The following CES5A variants were observed in gnomAD, a reference collection of about 807,000 sequenced individuals.
CES5A encodes the protein carboxylesterase 5A, also known as carboxylesterase 5.
A neutral mutation model predicts 62.9 loss-of-function variants in CES5A; 67 were observed. The observed-to-expected ratio is 1.07, with a 90% CI of 0.88 to 1.31. The LOEUF (loss-of-function observed/expected upper bound fraction) is 1.31. CES5A is among the 50% of genes most tolerant of loss of function. The probability of loss-of-function intolerance (pLI) is 0.00; values close to 1 mark genes in which losing one functional copy is unlikely to be tolerated. For synonymous variants in CES5A, 296 were observed against 280.8 expected (o/e 1.05, Z -0.54); for missense variants, 748 against 708.5 (o/e 1.06, Z -0.63).
chr16:55,865,578 C>A (rs1387275624), intron 5 of CES5A, among the ~76,000 whole-genome samples: 1 of 152,196 alleles, frequency 6.6e-6, no homozygotes, highest in Non-Finnish European at 1.5e-5. Flanking sequence ...AGGGAATATA[C>A]ATTTTATGGT....
chr16:55,879,941 A>G (rs1439824176), upstream of CES5A, among the ~76,000 whole-genome samples: 1 of 152,226 alleles, frequency 6.6e-6, no homozygotes, highest in African/African-American at 2.4e-5. Context: ...AGATTGTCTT[A>G]AAGATTCCAT....
intron 6 of CES5A, among the ~76,000 whole-genome samples, chr16:55,862,345 T>G (rs1448922795): frequency 6.6e-6 from 1 of 152,180 alleles, no homozygotes. Flanking sequence ...TGGAGTCTGG[T>G]ACAGTTGTGG....
At chr16:55,912,994 G>C (rs1163084685) in intron 1 of CES5A, among the ~76,000 whole-genome samples, 8 of 152,204 alleles carry the variant, frequency 5.3e-5, no homozygotes. Context: ...CGGCTGCCTA[G>C]ACAGAGCAGA....
intron 1 of CES5A, among the ~76,000 whole-genome samples, chr16:55,921,201 C>T (rs1339441257): frequency 2.6e-5 from 4 of 152,064 alleles, no homozygotes; most frequent in Non-Finnish European, 5.9e-5. Context: ...AAAAGCTTTA[C>T]TCAAAGAGAA....
intron 7 of CES5A, among the ~76,000 whole-genome samples, chr16:55,860,218 G>A (rs2033326759): frequency 6.6e-6 from 1 of 152,052 alleles, no homozygotes; most frequent in Non-Finnish European, 1.5e-5. Flanking sequence ...TACCATGATT[G>A]TGAGACCTCC....
intron 6 of CES5A, among the ~76,000 whole-genome samples, chr16:55,861,892 G>A (rs1463371556): frequency 6.6e-6 from 1 of 152,120 alleles, no homozygotes; most frequent in Non-Finnish European, 1.5e-5. Context: ...GGTGCTGAAT[G>A]AAGACAAACA....
At chr16:55,848,276 G>T (rs1438017464) in intron 11 of CES5A, among the ~76,000 whole-genome samples, 3 of 151,574 alleles carry the variant, frequency 2.0e-5, no homozygotes, top group African/African-American at 7.3e-5. Context: ...GGCTAATTTT[G>T]TTTGTTATTA....
intron 11 of CES5A, among the ~76,000 whole-genome samples, chr16:55,847,302 CCTCT>C (rs1203533935): frequency 6.8e-6 from 1 of 146,602 alleles, no homozygotes; most frequent in African/African-American, 2.5e-5. Context: ...CTTCTTTCTC[CCTCT>C]CTCTCTCCCT....
chr16:55,933,781 G>A (rs1251001848), intron 2 of CES5A, among the ~76,000 whole-genome samples: 2 of 152,154 alleles, frequency 1.3e-5, no homozygotes, highest in Non-Finnish European at 2.9e-5. Context: ...ACAGCAGCCA[G>A]AGTGATTCTG....
upstream of CES5A, among the ~76,000 whole-genome samples, chr16:55,875,582 T>G (rs1255708560): frequency 6.6e-6 from 1 of 152,188 alleles, no homozygotes. Context: ...GACCTGCCTG[T>G]GATGCCAGAA....
intron 11 of CES5A, 39 bp downstream of exon 11, chr16:55,849,585 G>A (rs1181066250): frequency 6.2e-7 from 1 of 1,605,626 alleles, no homozygotes; most frequent in South Asian, 1.1e-5. Context: ...GGTAAGCAAG[G>A]GGCTTCATGT....
chr16:55,884,542 G>T (rs1327523906), intron 1 of CES5A, among the ~76,000 whole-genome samples: 1 of 151,604 alleles, frequency 6.6e-6, no homozygotes, highest in Non-Finnish European at 1.5e-5. Context: ...CACCTCTCCT[G>T]CCATGTCCCC....
At chr16:55,921,640 A>G (rs1464829420) in intron 1 of CES5A, among the ~76,000 whole-genome samples, 1 of 150,850 alleles carries the variant, frequency 6.6e-6, no homozygotes, top group Non-Finnish European at 1.5e-5. Context: ...CTGAAAGAAA[A>G]AAAAAAAAAA....
chr16:55,930,068 A>G (rs2034294291), upstream of CES5A, among the ~76,000 whole-genome samples: 1 of 152,010 alleles, frequency 6.6e-6, no homozygotes, highest in South Asian at 2.1e-4. Context: ...CTTTGTCCCA[A>G]TCACTAATGG....
intron 1 of CES5A, among the ~76,000 whole-genome samples, chr16:55,922,168 A>C (rs1266227441): frequency 6.6e-6 from 1 of 151,994 alleles, no homozygotes; most frequent in Non-Finnish European, 1.5e-5. Flanking sequence ...ACAAAATGTC[A>C]ATAGTAAGCC....
intron 1 of CES5A, among the ~76,000 whole-genome samples, chr16:55,897,820 T>A (rs1429841606): frequency 6.6e-6 from 1 of 152,110 alleles, no homozygotes; most frequent in Non-Finnish European, 1.5e-5. Flanking sequence ...CCAGCATTGG[T>A]AGAATAAAGA....
At chr16:55,915,745 A>G (rs990651619) in intron 1 of CES5A, among the ~76,000 whole-genome samples, 2 of 152,180 alleles carry the variant, frequency 1.3e-5, no homozygotes, top group East Asian at 1.9e-4. Context: ...CACAGGTCCT[A>G]TAATGTTTAT....
chr16:55,896,743 AG>A (rs2142438037), intron 1 of CES5A, among the ~76,000 whole-genome samples: 1 of 152,324 alleles, frequency 6.6e-6, no homozygotes, highest in African/African-American at 2.4e-5. Flanking sequence ...CAGGCACTGT[AG>A]ACTAAAGGGT....
intron 1 of CES5A, among the ~76,000 whole-genome samples, chr16:55,893,807 C>T (rs1355640690): frequency 1.3e-5 from 2 of 152,240 alleles, no homozygotes; most frequent in African/African-American, 4.8e-5. Context: ...TGTTGCACAA[C>T]TATTTGAGGA....
Sources: allele counts gnomAD v4.1 joint callset (sites outside exome capture counted in the v4.1 genomes callset), GRCh38; gene constraint gnomAD v4.1.1; transcripts MANE v1.5; gene names NCBI Gene and HGNC (gene_info 2026-07-23, HGNC 2026-07-21).